Variants in AIFM2 observed in about 807,000 individuals in gnomAD.
AIFM2 encodes ferroptosis suppressor protein 1.
Under a neutral mutation model 35.7 loss-of-function variants are expected in AIFM2, and 38 were observed. That is an observed-to-expected ratio of 1.06 (90% confidence interval 0.82 to 1.39). The LOEUF (loss-of-function observed/expected upper bound fraction) is 1.39. AIFM2 is among the 40% of genes most tolerant of loss of function. The pLI is 0.00. For missense variants in AIFM2, 476 were observed against 491.2 expected (o/e 0.97, Z 0.29); for synonymous variants, 185 against 203.5 (o/e 0.91, Z 0.77).
In AIFM2 at chr10:70,116,904, C is replaced by T. The variant is rs916758592; in HGVS notation, c.617-130G>A. On this transcript the variant is annotated intron_variant, in intron 6 of 8. Coordinates refer to ENST00000307864, the MANE Select transcript of AIFM2 (RefSeq NM_032797.6). ...CAACTGGGCAATGGCTGCACCCTGT[C>T]TTCCCACCATGCCCCTCCCTCAGTC... 3 of 1,102,204 alleles carry T rather than the reference C, an allele frequency of 2.7e-6. No homozygotes were observed. The African/African-American group carries it at 4.6e-5, about 17-fold the overall frequency. 68.3% of individuals were successfully genotyped at this position (1,102,204 alleles called of 1,614,324 possible).
chr10:70,130,729 T>C (rs2072618689), intron 1 of AIFM2, among the ~76,000 whole-genome samples: 1 of 152,184 alleles, frequency 6.6e-6, no homozygotes, highest in African/African-American at 2.4e-5. Context: ...GTTTAACTTT[T>C]TGAGGAACTG....
chr10:70,123,489 C>T lies in AIFM2; in HGVS notation c.210G>A (p.Ser70=), dbSNP rs749144865. The change falls in exon 3 of 9, where the codon TCG becomes TCA. Residue 70 remains serine, a synonymous_variant. Coordinates refer to ENST00000307864, the MANE Select transcript of AIFM2 (RefSeq NM_032797.6). The stretch of plus-strand genomic sequence containing the variant: ...GCCGGAAGTTGTCCTTGAAAGTCAC[C>T]GAGTAAGAAATGAATGTCTTTTTGG... ...GFAKKTFISY[S]VTFKDNFRQG... The T allele has an allele frequency of 3.7e-6, 6 of 1,614,114 alleles. No individual in the cohort carries two copies. The highest frequency in any genetic ancestry group is 4.5e-5 in the East Asian group (2 of 44,880).
intron 8 of AIFM2, 80 bp from the exon 9 acceptor site, chr10:70,114,409 G>C (rs564087452): frequency 6.4e-7 from 1 of 1,555,412 alleles, no homozygotes; most frequent in Admixed American, 2.0e-5. Flanking sequence ...GATCCTTCCC[G>C]AGGCCTTCAG....
Position 70,121,079 on chromosome 10 carries a change from G to T in AIFM2, c.414+13C>A, listed in dbSNP as rs1258348626. ...CTGCCCACACTGCCCCATGCCTTCA[G>T]TGCACAGCTCACCTGCCTCACCATG... On this transcript the variant is annotated intron_variant, in intron 4 of 8. Transcript: ENST00000307864. The T allele has an allele frequency of 3.7e-6, 6 of 1,608,386 alleles. No individual in the cohort carries two copies. The East Asian group carries it at 1.1e-4, about 30-fold the overall frequency.
intron 3 of AIFM2, among the ~76,000 whole-genome samples, chr10:70,122,565 G>C (rs1351483446): frequency 1.3e-5 from 2 of 152,188 alleles, no homozygotes; most frequent in Non-Finnish European, 2.9e-5. Flanking sequence ...CATGTGAGGT[G>C]GGGGAACACA....
At position 70,116,763 on chromosome 10, in the gene AIFM2, T is replaced by G; in HGVS notation, c.628A>C (p.Ser210Arg). Residue 210 changes from serine (S) to arginine (R), a missense_variant, in exon 7 of 9, where the codon AGC becomes CGC. By Grantham distance (110) the Ser-to-Arg change is moderately radical. Transcript: ENST00000307864. Reference sequence around the variant, plus strand: ...TTGAGAGGCAGCTCCTCCAGATTGCTCACCCGCTCACCTAGAAGGGGGTTC... The same window carrying G: ...TTGAGAGGCAGCTCCTCCAGATTGCGCACCCGCTCACCTAGAAGGGGGTTC... ...GVQLLLSERV[S>R]NLEELPLNEY... 6.2e-7 allele frequency: 1 copy of G among 1,614,102 alleles called. No homozygotes were observed. The highest frequency in any genetic ancestry group is 8.5e-7 in the Non-Finnish European group (1 of 1,179,974).
chr10:70,116,566 A>C lies in AIFM2; in HGVS notation c.769+56T>G, dbSNP rs889001177. The C allele has an allele frequency of 8.1e-6, 13 of 1,603,794 alleles. No individual in the cohort carries two copies. In the East Asian group the frequency reaches 2.7e-4, roughly 33 times the overall value. On this transcript the variant is annotated intron_variant, in intron 7 of 8. Coordinates refer to ENST00000307864, the MANE Select transcript of AIFM2 (RefSeq NM_032797.6). ...TGGGGGCAAGCACTGCAGGGCATTC[A>C]GAGGGTACTGGAGAGCAAGGAGGCA...
chr10:70,116,562 A>T lies in AIFM2; in HGVS notation c.769+60T>A. The T allele has an allele frequency of 1.9e-6, 3 of 1,602,214 alleles. No homozygotes were observed. The Admixed American group carries it at 5.0e-5, about 27-fold the overall frequency. On this transcript the variant is annotated intron_variant, in intron 7 of 8. Transcript: ENST00000307864. Reference sequence around the variant, plus strand: ...CTCCTGGGGGCAAGCACTGCAGGGCATTCAGAGGGTACTGGAGAGCAAGGA... The same window carrying T: ...CTCCTGGGGGCAAGCACTGCAGGGCTTTCAGAGGGTACTGGAGAGCAAGGA...
intron 7 of AIFM2, among the ~76,000 whole-genome samples, chr10:70,116,308 T>C (rs1050807128): frequency 2.6e-5 from 4 of 152,222 alleles, no homozygotes; most frequent in African/African-American, 9.6e-5. Flanking sequence ...GAATTTCCTC[T>C]GTCCTCAGGT....
rs148191913 is a variant in AIFM2 at position 70,123,983 on chromosome 10, G to T, written c.102C>A (p.Asn34Lys). 5.0e-6 allele frequency: 8 copies of T among 1,613,086 alleles called. No individual in the cohort carries two copies. The African/African-American group carries it at 9.3e-5, about 19-fold the overall frequency. The stretch of plus-strand genomic sequence containing the variant: ...TCATGTCCACCAGCATGAAGGGGAC[G>T]TTCAGGGCCTGCAGCTGGCTGGCTG... Reference protein sequence around the residue: ...IAAASQLQALNVPFMLVDMKD... With the variant: ...IAAASQLQALKVPFMLVDMKD... The change falls in exon 2 of 9, where the codon AAC becomes AAA. Residue 34 changes from asparagine to lysine, a missense_variant. Transcript: ENST00000307864.
intron 4 of AIFM2, 27 bp from the exon 5 acceptor site, chr10:70,120,626 G>A (rs1467012673): frequency 1.9e-6 from 3 of 1,612,226 alleles, no homozygotes; most frequent in Non-Finnish European, 2.5e-6. Context: ...GTGAAACAGG[G>A]ACATATGAAA....
intron 1 of AIFM2, among the ~76,000 whole-genome samples, chr10:70,129,617 A>G (rs1044377521): frequency 1.4e-4 from 22 of 152,196 alleles, no homozygotes; most frequent in African/African-American, 5.3e-4. Context: ...AATTCTCAAC[A>G]CATCAAACCT....
Position 70,113,940 on chromosome 10 carries a change from C to A in AIFM2, c.*238G>T. The A allele has an allele frequency of 1.9e-6, 1 of 517,778 alleles. No homozygotes were observed. Among genetic ancestry groups the A allele is most frequent in the Admixed American group, 3.5e-5 (1 of 28,806 alleles). 32.1% of individuals were successfully genotyped at this position (517,778 alleles called of 1,614,324 possible). ...GCAGCCAGCACACATGAGCCGCTCA[C>A]CCAGTACCACAGCAAGCACACCTTC... On this transcript the variant is annotated 3_prime_UTR_variant, in exon 9 of 9. Transcript: ENST00000307864.
intron 5 of AIFM2, 79 bp downstream of exon 5, chr10:70,120,428 A>G: frequency 6.9e-7 from 1 of 1,440,518 alleles, no homozygotes; most frequent in Non-Finnish European, 9.8e-7. Flanking sequence ...CTCTGCCCTG[A>G]GCAAATTCCT....
At position 70,114,985 on chromosome 10, in the gene AIFM2, G is replaced by A; in HGVS notation, c.905C>T (p.Ala302Val). ...PKMAYLAGLH[A>V]NIAVANIVNS... is the part of the protein sequence containing the mutation. ...GACGATGTTGGCCACGGCGATGTTG[G>A]CGTGGAGGCCGGCAAGATAGGCCAT... Residue 302 changes from alanine to valine, a missense_variant, in exon 8 of 9, where the codon GCC becomes GTC. Coordinates refer to ENST00000307864, the MANE Select transcript of AIFM2 (RefSeq NM_032797.6). 6.2e-7 allele frequency: 1 copy of A among 1,614,224 alleles called. No individual in the cohort carries two copies.
rs1428362936 is a variant in AIFM2 at position 70,112,485 on chromosome 10, G to C, written c.*1693C>G. 6.6e-6 allele frequency: 1 copy of C among 152,190 alleles called. No individual in the cohort carries two copies. Among genetic ancestry groups the C allele is most frequent in the Non-Finnish European group, 1.5e-5 (1 of 68,028 alleles). 9.4% of individuals were successfully genotyped at this position (152,190 alleles called of 1,614,324 possible). On this transcript the variant is annotated 3_prime_UTR_variant, in exon 9 of 9. Coordinates refer to ENST00000307864, the MANE Select transcript of AIFM2 (RefSeq NM_032797.6). ...CCTCCAGGAAGGTGGGCTTCCCTTC[G>C]TGGTCCATAAAGAAAGACAGATACT...
chr10:70,130,404 A>C (rs972686646), intron 1 of AIFM2, among the ~76,000 whole-genome samples: 3 of 152,160 alleles, frequency 2.0e-5, no homozygotes, highest in African/African-American at 7.2e-5. Context: ...TGTAGATGGA[A>C]TTATACACTA....
intron 3 of AIFM2, among the ~76,000 whole-genome samples, chr10:70,121,506 C>A (rs1464410921): frequency 1.3e-5 from 2 of 151,958 alleles, no homozygotes; most frequent in East Asian, 3.9e-4. Flanking sequence ...GGGAGGGGTG[C>A]CTGGAAGCAG....
chr10:70,115,638 C>A (rs2072427818), intron 7 of AIFM2, among the ~76,000 whole-genome samples: 1 of 152,104 alleles, frequency 6.6e-6, no homozygotes, highest in Non-Finnish European at 1.5e-5. Context: ...TAGTGGCATA[C>A]AGCCGTAATC....
Sources: allele counts gnomAD v4.1 joint callset (sites outside exome capture counted in the v4.1 genomes callset), GRCh38; gene constraint gnomAD v4.1.1; transcripts MANE v1.5; gene names NCBI Gene and HGNC (gene_info 2026-07-23, HGNC 2026-07-21).